Variants in GRIK4 observed in about 807,000 individuals in gnomAD.
GRIK4 encodes the protein glutamate ionotropic receptor kainate type subunit 4.
A neutral mutation model predicts 104.9 loss-of-function variants in GRIK4; 40 were observed. The ratio of observed to expected loss-of-function variants is 0.38; its 90% CI spans 0.30 to 0.50. The LOEUF (loss-of-function observed/expected upper bound fraction) is 0.50. Ranked by LOEUF, GRIK4 falls within the 20% of genes least tolerant of loss-of-function variation. The probability of loss-of-function intolerance (pLI) is 0.93; values close to 1 mark genes in which losing one functional copy is unlikely to be tolerated. For missense variants in GRIK4, 1,047 were observed against 1,308.1 expected (o/e 0.80, Z 3.08); for synonymous variants, 485 against 524.9 (o/e 0.92, Z 1.04).
chr11:120,845,259 C>T (rs1276539223), intron 8 of GRIK4, among the ~76,000 whole-genome samples: 5 of 152,184 alleles, frequency 3.3e-5, no homozygotes, highest in Non-Finnish European at 7.3e-5. Flanking sequence ...TATCTGGGCC[C>T]TGCCGTACAT....
At chr11:120,810,964 G>C (rs1388372934) in intron 4 of GRIK4, among the ~76,000 whole-genome samples, 1 of 152,174 alleles carries the variant, frequency 6.6e-6, no homozygotes, top group Non-Finnish European at 1.5e-5. Context: ...TTAGGGGTTA[G>C]AGAAAAGAAT....
chr11:120,898,919 G>A (rs1942658873), intron 12 of GRIK4, among the ~76,000 whole-genome samples: 1 of 152,156 alleles, frequency 6.6e-6, no homozygotes, highest in Non-Finnish European at 1.5e-5. Context: ...CAGGAGGAAG[G>A]GAAGGGGACC....
At chr11:120,604,209 C>A (rs1055868459) in intron 1 of GRIK4, among the ~76,000 whole-genome samples, 4 of 150,896 alleles carry the variant, frequency 2.7e-5, no homozygotes, top group African/African-American at 7.3e-5. Context: ...AATGATCTGC[C>A]CCCCTTCGTT....
At chr11:120,831,764 C>A in intron 6 of GRIK4, 88 bp from the exon 7 acceptor site, 1 of 989,500 alleles carries the variant, frequency 1.0e-6, no homozygotes, top group Non-Finnish European at 1.5e-6. Flanking sequence ...ACTTCCAGCC[C>A]ACATCTCCGT....
chr11:120,528,200 CT>C (rs1468259949), intron 1 of GRIK4, among the ~76,000 whole-genome samples: 3 of 152,118 alleles, frequency 2.0e-5, no homozygotes. Flanking sequence ...TGTTCTTGAA[CT>C]GCTGAGCTCA....
intron 3 of GRIK4, among the ~76,000 whole-genome samples, chr11:120,678,933 T>C (rs10892606): frequency 0.46 from 69,142 of 151,048 alleles, 16,148 homozygotes; most frequent in East Asian, 0.55. Flanking sequence ...ACGCCTGGCC[T>C]GGTTTTTTTT....
intron 5 of GRIK4, among the ~76,000 whole-genome samples, chr11:120,816,485 C>G (rs1484817634): frequency 6.6e-6 from 1 of 152,156 alleles, no homozygotes; most frequent in Non-Finnish European, 1.5e-5. Context: ...CTTCCAGAAG[C>G]TCTAGTCTCA....
chr11:120,581,654 T>C (rs931551871), intron 1 of GRIK4, among the ~76,000 whole-genome samples: 1 of 152,186 alleles, frequency 6.6e-6, no homozygotes, highest in Non-Finnish European at 1.5e-5. Context: ...AGTGGACTCA[T>C]ATAGCATTTG....
intron 1 of GRIK4, among the ~76,000 whole-genome samples, chr11:120,551,832 G>A (rs1361948067): frequency 1.3e-5 from 2 of 151,914 alleles, no homozygotes; most frequent in African/African-American, 2.4e-5. Flanking sequence ...TAACAGTCAC[G>A]TCTATCCAAT....
intron 9 of GRIK4, chr11:120,869,229 T>A (rs2135662733): frequency 6.5e-6 from 1 of 152,870 alleles, no homozygotes; most frequent in South Asian, 2.1e-4. Flanking sequence ...TGCCTGGTGA[T>A]GGGTGGAGGA....
intron 3 of GRIK4, among the ~76,000 whole-genome samples, chr11:120,789,577 C>G (rs1220754677): frequency 2.0e-5 from 3 of 152,112 alleles, no homozygotes; most frequent in Non-Finnish European, 1.5e-5. Context: ...GAGTGATCGC[C>G]CTAAAATGCA....
intron 1 of GRIK4, among the ~76,000 whole-genome samples, chr11:120,623,936 CTCCTCT>C (rs1395819949): frequency 6.6e-6 from 1 of 150,740 alleles, no homozygotes; most frequent in African/African-American, 2.5e-5. Context: ...CCTCCTCCTC[CTCCTCT>C]TCCCCCTTAC....
At chr11:120,867,951 T>C (rs1954470866) in intron 9 of GRIK4, 1 of 152,224 alleles carries the variant, frequency 6.6e-6, no homozygotes, top group Non-Finnish European at 1.5e-5. Flanking sequence ...ATTAAGTGTT[T>C]ATTTCATTGA....
At chr11:120,545,127 C>T (rs1253986154) in intron 1 of GRIK4, among the ~76,000 whole-genome samples, 4 of 152,098 alleles carry the variant, frequency 2.6e-5, no homozygotes, top group Non-Finnish European at 4.4e-5. Context: ...GGTCACTGGC[C>T]GGTTTCCTGT....
In GRIK4 at chr11:120,572,053, G is replaced by A. The variant is rs149594683; in HGVS notation, c.-159+60166G>A. 1.4e-3 allele frequency among the ~76,000 whole-genome samples: 209 copies of A among 152,316 alleles called. 1 individual carries two copies. The highest frequency in any genetic ancestry group is 2.9e-3 in the Admixed American group (45 of 15,298). ...CCATTCTGGAGGCAGGGAAATCCAC[G>A]ATCAAGATGCCGGCGGATCCAGGGT... On this transcript the variant is annotated intron_variant, in intron 1 of 20. Coordinates refer to ENST00000527524, the MANE Select transcript of GRIK4 (RefSeq NM_014619.5).
At chr11:120,979,053 A>G (rs1031903873) in intron 19 of GRIK4, among the ~76,000 whole-genome samples, 2 of 152,270 alleles carry the variant, frequency 1.3e-5, no homozygotes, top group Non-Finnish European at 2.9e-5. Flanking sequence ...TATTCAAAAC[A>G]GAATTATTTT....
intron 4 of GRIK4, among the ~76,000 whole-genome samples, chr11:120,810,297 C>G (rs944645725): frequency 2.0e-5 from 3 of 152,186 alleles, no homozygotes; most frequent in African/African-American, 4.8e-5. Flanking sequence ...GGAATTGTGG[C>G]CTTCTATAAG....
chr11:120,935,505 G>T (rs1483442855), intron 13 of GRIK4, among the ~76,000 whole-genome samples: 1 of 152,086 alleles, frequency 6.6e-6, no homozygotes, highest in Non-Finnish European at 1.5e-5. Context: ...AGCCAAGATC[G>T]CACCACTGCA....
chr11:120,857,566 T>C (rs557078263), intron 8 of GRIK4, among the ~76,000 whole-genome samples: 1 of 151,892 alleles, frequency 6.6e-6, no homozygotes, highest in Non-Finnish European at 1.5e-5. Flanking sequence ...AGCCCAGTGA[T>C]GATAAAGCAA....
Sources: allele counts gnomAD v4.1 joint callset (sites outside exome capture counted in the v4.1 genomes callset), GRCh38; gene constraint gnomAD v4.1.1; transcripts MANE v1.5; gene names NCBI Gene and HGNC (gene_info 2026-07-23, HGNC 2026-07-21).